The following LMNTD1 variants were observed in gnomAD, a reference collection of about 807,000 sequenced individuals.
LMNTD1 encodes lamin tail domain-containing protein 1.
A neutral mutation model predicts 50.9 loss-of-function variants in LMNTD1; 35 were observed. The observed-to-expected ratio is 0.69, with a 90% CI of 0.53 to 0.91. The LOEUF (loss-of-function observed/expected upper bound fraction) is 0.91, where lower values mean the gene tolerates loss of function less well. LMNTD1 is among the 40% of genes least tolerant of loss of function. The pLI is 0.00. For missense variants in LMNTD1, 470 were observed against 475.5 expected, an observed-to-expected ratio of 0.99 and a Z score of 0.11; for synonymous variants, 153 against 161.9, an observed-to-expected ratio of 0.94 and a Z score of 0.42.
chr12:25,517,921 G>A (rs1280637331), intron 8 of LMNTD1, among the ~76,000 whole-genome samples: 3 of 152,148 alleles, frequency 2.0e-5, no homozygotes, highest in East Asian at 1.9e-4. Context: ...ATTTCGTGGT[G>A]TCTTAAAGAT....
chr12:25,628,784 C>T (rs1436292022), intron 1 of LMNTD1, among the ~76,000 whole-genome samples: 1 of 152,178 alleles, frequency 6.6e-6, no homozygotes, highest in African/African-American at 2.4e-5. Context: ...CCTCGTATCA[C>T]CAGAAGGAAC....
At chr12:25,610,119 T>A (rs779955534) in intron 1 of LMNTD1, among the ~76,000 whole-genome samples, 1 of 152,112 alleles carries the variant, frequency 6.6e-6, no homozygotes, top group Admixed American at 6.6e-5. Flanking sequence ...TGAGCAAGGC[T>A]CTGTGGGCAT....
intron 4 of LMNTD1, among the ~76,000 whole-genome samples, chr12:25,540,968 C>T (rs973411121): frequency 7.1e-6 from 1 of 140,024 alleles, no homozygotes; most frequent in Non-Finnish European, 1.6e-5. Context: ...AGTGAACTCC[C>T]ATTCACAATT....
chr12:25,551,596 G>T (rs2136251461), intron 2 of LMNTD1, among the ~76,000 whole-genome samples: 1 of 152,190 alleles, frequency 6.6e-6, no homozygotes, highest in South Asian at 2.1e-4. Flanking sequence ...TTGCTATGTT[G>T]CCCGGGCTGT....
intron 1 of LMNTD1, among the ~76,000 whole-genome samples, chr12:25,578,745 AT>A (rs1365479012): frequency 6.6e-6 from 1 of 152,212 alleles, no homozygotes; most frequent in Non-Finnish European, 1.5e-5. Flanking sequence ...AAGCAAAATA[AT>A]GAAAACATCC....
At chr12:25,589,444 G>T (rs997555187) in intron 1 of LMNTD1, among the ~76,000 whole-genome samples, 2 of 152,178 alleles carry the variant, frequency 1.3e-5, no homozygotes, top group African/African-American at 4.8e-5. Context: ...TAATGGCTGA[G>T]ATTGCCTTTT....
At chr12:25,621,522 C>G (rs1946472338) in intron 1 of LMNTD1, among the ~76,000 whole-genome samples, 1 of 152,186 alleles carries the variant, frequency 6.6e-6, no homozygotes, top group Non-Finnish European at 1.5e-5. Context: ...TTAATAAACA[C>G]ATTCATCACC....
chr12:25,534,191 T>C (rs77799119), intron 4 of LMNTD1, among the ~76,000 whole-genome samples: 2,341 of 152,122 alleles, frequency 0.015, 32 homozygotes, highest in African/African-American at 0.038. Flanking sequence ...TCCCTAGAGA[T>C]AGTGGGTGGT....
chr12:25,573,486 A>G (rs1944879370), intron 1 of LMNTD1, among the ~76,000 whole-genome samples: 1 of 152,166 alleles, frequency 6.6e-6, no homozygotes, highest in African/African-American at 2.4e-5. Flanking sequence ...CTAAAGTCTG[A>G]GCACTCTAAA....
At chr12:25,588,177 G>C (rs1945598274) in intron 1 of LMNTD1, among the ~76,000 whole-genome samples, 2 of 152,076 alleles carry the variant, frequency 1.3e-5, no homozygotes, top group Non-Finnish European at 2.9e-5. Context: ...TCAGGAATAA[G>C]GTACCAATAA....
intron 4 of LMNTD1, among the ~76,000 whole-genome samples, chr12:25,534,395 C>A (rs1942431612): frequency 6.6e-6 from 1 of 152,106 alleles, no homozygotes; most frequent in Non-Finnish European, 1.5e-5. Flanking sequence ...ACTTGAGAGA[C>A]AGAAGAGAAA....
At chr12:25,566,988 T>C (rs959379749) in intron 1 of LMNTD1, among the ~76,000 whole-genome samples, 5 of 152,214 alleles carry the variant, frequency 3.3e-5, no homozygotes, top group East Asian at 1.9e-4. Flanking sequence ...ACTAAGGCCC[T>C]GAGGTTCCAG....
At chr12:25,628,273 T>C (rs916026181) in intron 1 of LMNTD1, among the ~76,000 whole-genome samples, 50 of 151,744 alleles carry the variant, frequency 3.3e-4, no homozygotes, top group South Asian at 1.2e-3. Context: ...TATATTTATG[T>C]TTCGGAATAG....
intron 1 of LMNTD1, among the ~76,000 whole-genome samples, chr12:25,559,247 C>T (rs1014543525): frequency 8.5e-5 from 13 of 152,160 alleles, no homozygotes; most frequent in African/African-American, 1.2e-4. Context: ...ACCCTGTGTC[C>T]GAGTGTTCTC....
At chr12:25,569,413 TAGA>T (rs1229222084) in intron 1 of LMNTD1, among the ~76,000 whole-genome samples, 1 of 152,178 alleles carries the variant, frequency 6.6e-6, no homozygotes, top group Non-Finnish European at 1.5e-5. Flanking sequence ...GTCTCATAGG[TAGA>T]AGGAGACAAG....
chr12:25,600,880 A>C (rs1169077340), intron 1 of LMNTD1, among the ~76,000 whole-genome samples: 3 of 152,160 alleles, frequency 2.0e-5, no homozygotes, highest in African/African-American at 7.2e-5. Flanking sequence ...CACTATGGAC[A>C]ACAGTTTGGA....
intron 1 of LMNTD1, among the ~76,000 whole-genome samples, chr12:25,603,436 A>G (rs1946022206): frequency 6.6e-6 from 1 of 152,002 alleles, no homozygotes; most frequent in Admixed American, 6.6e-5. Flanking sequence ...TACAGAACCA[A>G]TTTGACATTG....
intron 1 of LMNTD1, among the ~76,000 whole-genome samples, chr12:25,625,037 C>T (rs955390101): frequency 5.3e-5 from 8 of 152,154 alleles, no homozygotes; most frequent in Non-Finnish European, 1.0e-4. Flanking sequence ...CACATGCACA[C>T]ATTCACACAT....
rs1478766262 is a variant in LMNTD1, at chr12:25,518,860, G to T, written c.1124C>A (p.Ser375Tyr). The change falls in exon 8 of 10, where the codon TCC (serine) becomes TAC (tyrosine). Residue 375 changes from serine to tyrosine, a missense_variant. Coordinates refer to ENST00000458174, the MANE Select transcript of LMNTD1 (RefSeq NM_001145728.2). ...TCTATCCAATCTGCCTCCAGCGGTG[G>T]ATGTATTGTGTGGTTCAATCAGAGG... ...YCPLIEPHNT[S>Y]TAGGRLDRQP... The T allele has an allele frequency of 1.2e-6, 2 of 1,614,018 alleles. No individual in the cohort carries two copies. Among genetic ancestry groups the T allele is most frequent in the Non-Finnish European group, 1.7e-6 (2 of 1,180,034 alleles).
Sources: gnomAD v4.1 joint callset for allele counts (sites outside exome capture counted in the v4.1 genomes callset) on GRCh38, gnomAD v4.1.1 for gene constraint, MANE v1.5 for transcripts, NCBI Gene and HGNC (gene_info 2026-07-23, HGNC 2026-07-21) for gene names.